The following JAKMIP1 variants were observed in gnomAD, a reference collection of about 807,000 sequenced individuals.
JAKMIP1 encodes the protein janus kinase and microtubule interacting protein 1.
A neutral mutation model predicts 113.0 loss-of-function variants in JAKMIP1; 33 were observed. The observed-to-expected ratio is 0.29, with a 90% CI of 0.22 to 0.39. The LOEUF is 0.39. JAKMIP1 is among the 10% of genes least tolerant of loss of function. The pLI is 1.00. For synonymous variants in JAKMIP1, 480 were observed against 459.9 expected, an observed-to-expected ratio of 1.04 and a Z score of -0.56; for missense variants, 813 against 1,080.5, an observed-to-expected ratio of 0.75 and a Z score of 3.47.
rs534683583 is a variant in JAKMIP1 at position 6,035,898 on chromosome 4, G to A, written c.2379+6C>T. On this transcript the variant is annotated splice_donor_region_variant and intron_variant, in intron 19 of 20. Coordinates refer to ENST00000409021, the MANE Select transcript of JAKMIP1 (RefSeq NM_001099433.2). ...TGCTGTGGGCACAGCCGCTGTTGCCGCCTACCTGCTGGGCCTGCTGCAGCA... is the reference window on the plus strand; with the variant it reads ...TGCTGTGGGCACAGCCGCTGTTGCCACCTACCTGCTGGGCCTGCTGCAGCA... 50 of 1,546,300 alleles carry A rather than the reference G, an allele frequency of 3.2e-5. No individual in the cohort carries two copies. The African/African-American group carries it at 5.3e-4, about 16-fold the overall frequency.
intron 1 of JAKMIP1, among the ~76,000 whole-genome samples, chr4:6,130,623 C>T (rs1476519711): frequency 6.6e-6 from 1 of 151,952 alleles, no homozygotes; most frequent in African/African-American, 2.4e-5. Context: ...GCCAAGGATT[C>T]TAATGGAAAA....
Position 6,196,715 on chromosome 4 carries a change from G to T in JAKMIP1, c.-148+3538C>A, listed in dbSNP as rs192005209. Among the ~76,000 whole-genome samples, 569 of 152,282 alleles carry T rather than the reference G, an allele frequency of 3.7e-3. 5 individuals carry two copies. The highest frequency in any genetic ancestry group is 0.012 in the African/African-American group (514 of 41,578). ...CTCTACTAAAAATACAAAAAAATTAGCCAGGCATGGTGGCAGGTGCCTGTA... is the reference window on the plus strand; with the variant it reads ...CTCTACTAAAAATACAAAAAAATTATCCAGGCATGGTGGCAGGTGCCTGTA... On this transcript the variant is annotated intron_variant, in intron 1 of 20. Transcript: ENST00000409021.
chr4:6,056,170 G>T (rs1444472841), intron 12 of JAKMIP1, among the ~76,000 whole-genome samples: 3 of 149,300 alleles, frequency 2.0e-5, no homozygotes, highest in Non-Finnish European at 4.4e-5. Flanking sequence ...TCTCTGCAGG[G>T]TGTCTGCAGA....
chr4:6,173,249 C>G (rs1724958157), intron 1 of JAKMIP1, among the ~76,000 whole-genome samples: 1 of 152,120 alleles, frequency 6.6e-6, no homozygotes, highest in Non-Finnish European at 1.5e-5. Flanking sequence ...ACTACAAACA[C>G]TATTTCAGTG....
chr4:6,037,294 A>G (rs34739973), intron 18 of JAKMIP1, among the ~76,000 whole-genome samples: 1 of 93,162 alleles, frequency 1.1e-5, no homozygotes, highest in Non-Finnish European at 1.9e-5. Flanking sequence ...TAGCCCTCCA[A>G]CACCAAGGCA....
At position 6,085,480 on chromosome 4, in the gene JAKMIP1, A is replaced by G; in HGVS notation, c.774T>C (p.Ser258=). ...VQVKEAERHH[S]SPKRELPPGI... is the part of the protein sequence containing the mutation. The stretch of plus-strand genomic sequence containing the variant: ...CGGGCGGGAGCTCTCTCTTTGGACT[A>G]CTGTGGTGCCGCTCGGCCTCCTTGA... The change falls in exon 4 of 21, where the codon AGT becomes AGC. Residue 258 remains serine (S), a synonymous_variant. Transcript: ENST00000409021. 4 of 1,614,066 alleles carry G rather than the reference A, an allele frequency of 2.5e-6. No homozygotes were observed. The highest frequency in any genetic ancestry group is 3.4e-6 in the Non-Finnish European group (4 of 1,180,018).
intron 8 of JAKMIP1, among the ~76,000 whole-genome samples, chr4:6,070,529 A>G (rs1197451518): frequency 6.6e-6 from 1 of 152,200 alleles, no homozygotes; most frequent in Non-Finnish European, 1.5e-5. Flanking sequence ...TTCTCTGGGG[A>G]CCTTCCTCCC....
chr4:6,126,227 C>A (rs1472571573), intron 1 of JAKMIP1, among the ~76,000 whole-genome samples: 1 of 148,294 alleles, frequency 6.7e-6, no homozygotes, highest in African/African-American at 2.5e-5. Context: ...GAAACACACA[C>A]ACGCAAACAC....
At chr4:6,123,561 C>T (rs1207304519) in intron 1 of JAKMIP1, among the ~76,000 whole-genome samples, 1 of 152,194 alleles carries the variant, frequency 6.6e-6, no homozygotes, top group Non-Finnish European at 1.5e-5. Flanking sequence ...TGGCTCAAGC[C>T]TCTAATCCCA....
Position 6,105,925 on chromosome 4 carries a change from G to A in JAKMIP1, c.172C>T (p.Arg58Cys). Residue 58 changes from arginine to cysteine, a missense_variant, in exon 3 of 21, where the codon CGC becomes TGC. By Grantham distance (180) the Arg-to-Cys change is radical (BLOSUM62 -3). Transcript: ENST00000409021. ...RERLQEAKLE[R>C]EQEQRRHTAY... ...GTGTGCCGTCGCTGCTCCTGCTCGC[G>A]CTCCAGCTTCGCCTCCTGCAGCCGC... 2 of 1,609,870 alleles carry A rather than the reference G, an allele frequency of 1.2e-6. No homozygotes were observed. Among genetic ancestry groups the A allele is most frequent in the Non-Finnish European group, 1.7e-6 (2 of 1,178,932 alleles).
chr4:6,035,150 T>C (rs1454140393), intron 19 of JAKMIP1, among the ~76,000 whole-genome samples: 1 of 152,130 alleles, frequency 6.6e-6, no homozygotes, highest in Admixed American at 6.5e-5. Context: ...TCTCTCTCTC[T>C]GCCCGCATCC....
chr4:6,081,890 G>A lies in JAKMIP1; in HGVS notation c.955-135C>T. 1.0e-6 allele frequency: 1 copy of A among 963,438 alleles called. No homozygotes were observed. Among genetic ancestry groups the A allele is most frequent in the South Asian group, 1.7e-5 (1 of 58,576 alleles). 59.7% of individuals were successfully genotyped at this position (963,438 alleles called of 1,614,324 possible). Reference sequence around the variant, plus strand: ...AGTGTCCTGGATGACACATTTGTTTGCTAGTTGCATGACAATGGGCAAGTT... The same window carrying A: ...AGTGTCCTGGATGACACATTTGTTTACTAGTTGCATGACAATGGGCAAGTT... On this transcript the variant is annotated intron_variant, in intron 5 of 20. Transcript: ENST00000409021. The surrounding 1 kb of genome is among the most constrained non-coding windows in gnomAD (Gnocchi z 4.6).
rs1717893639 is a variant in JAKMIP1 at position 6,065,201 on chromosome 4, T to C, written c.1303-193A>G. Among the ~76,000 whole-genome samples the C allele has an allele frequency of 6.6e-6, 1 of 152,162 alleles. No individual in the cohort carries two copies. The highest frequency in any genetic ancestry group is 2.1e-4 in the South Asian group (1 of 4,830). ...GGTGGCAGCAGGTGGCGGATGACCCTAGGGTTTACAGCCTGAGCGAGCTAG... is the reference window on the plus strand; with the variant it reads ...GGTGGCAGCAGGTGGCGGATGACCCCAGGGTTTACAGCCTGAGCGAGCTAG... On this transcript the variant is annotated intron_variant, in intron 8 of 20. Transcript: ENST00000409021. This position sits in a 1 kb window ranked among gnomAD's most constrained non-coding sequence, Gnocchi z 5.1.
At position 6,106,282 on chromosome 4, in the gene JAKMIP1, C is replaced by A. The variant is rs1227692421; in HGVS notation, c.130-315G>T. 6.6e-6 allele frequency among the ~76,000 whole-genome samples: 1 copy of A among 152,242 alleles called. No homozygotes were observed. The highest frequency in any genetic ancestry group is 1.9e-4 in the East Asian group (1 of 5,186). Reference sequence around the variant, plus strand: ...GAGACGACTGCTCAATCACAAAACACACCCTGCAGAAATCATCACCAAGAC... The same window carrying A: ...GAGACGACTGCTCAATCACAAAACAAACCCTGCAGAAATCATCACCAAGAC... On this transcript the variant is annotated intron_variant, in intron 2 of 20. Coordinates refer to ENST00000409021, the MANE Select transcript of JAKMIP1 (RefSeq NM_001099433.2). The surrounding 1 kb of genome is among the most constrained non-coding windows in gnomAD (Gnocchi z 5.9).
At chr4:6,029,826 G>A (rs1712362752) in intron 19 of JAKMIP1, 45 bp from the exon 20 acceptor site, 1 of 1,321,116 alleles carries the variant, frequency 7.6e-7, no homozygotes, top group East Asian at 2.4e-5. Context: ...AGTTTTCCAG[G>A]TTTAAAAACT....
intron 16 of JAKMIP1, among the ~76,000 whole-genome samples, chr4:6,047,221 C>A (rs529852161): frequency 1.9e-4 from 29 of 152,340 alleles, no homozygotes; most frequent in African/African-American, 6.3e-4. Flanking sequence ...GACATCAAAG[C>A]GGACACTGGT....
At chr4:6,127,230 C>T (rs1717821439) in intron 1 of JAKMIP1, among the ~76,000 whole-genome samples, 1 of 152,250 alleles carries the variant, frequency 6.6e-6, no homozygotes. Context: ...CCCTGCCCAC[C>T]TGACCCATCT....
At chr4:6,071,742 C>T (rs904417586) in intron 8 of JAKMIP1, among the ~76,000 whole-genome samples, 4 of 152,316 alleles carry the variant, frequency 2.6e-5, no homozygotes, top group Non-Finnish European at 4.4e-5. Flanking sequence ...CCGGCACAGA[C>T]GGTGTGTGTG....
At chr4:6,041,897 A>G (rs866621400) in intron 17 of JAKMIP1, among the ~76,000 whole-genome samples, 42 of 152,138 alleles carry the variant, frequency 2.8e-4, no homozygotes, top group Admixed American at 6.5e-5. Context: ...CAGGGACCCC[A>G]CTTATTCATT....
Sources: gnomAD v4.1 joint callset for allele counts (sites outside exome capture counted in the v4.1 genomes callset) on GRCh38, gnomAD v4.1.1 for gene constraint, Gnocchi (gnomAD v3.1) non-coding constraint, MANE v1.5 for transcripts, NCBI Gene and HGNC (gene_info 2026-07-23, HGNC 2026-07-21) for gene names.